The following KIAA1549L variants were observed in gnomAD, a reference collection of about 807,000 sequenced individuals.
KIAA1549L encodes KIAA1549 like, also known as UPF0606 protein KIAA1549L.
Under a neutral mutation model 160.7 loss-of-function variants are expected in KIAA1549L, and 88 were observed. The observed-to-expected ratio is 0.55, with a 90% confidence interval of 0.46 to 0.65. The LOEUF (loss-of-function observed/expected upper bound fraction) is 0.65. KIAA1549L is among the 30% of genes least tolerant of loss of function. KIAA1549L has a pLI of 0.00. For synonymous variants in KIAA1549L, 950 were observed against 976.7 expected (o/e 0.97, Z 0.51); for missense variants, 2,258 against 2,437.5 (o/e 0.93, Z 1.55).
chr11:33,451,064 C>T (rs764541793), intron 1 of KIAA1549L: 24 of 152,186 alleles, frequency 1.6e-4, no homozygotes, highest in Non-Finnish European at 1.9e-4. Flanking sequence ...CTCAGTGTAC[C>T]GACCACCCCT....
At chr11:33,612,597 T>A (rs1171030174) in intron 15 of KIAA1549L, among the ~76,000 whole-genome samples, 1 of 150,476 alleles carries the variant, frequency 6.6e-6, no homozygotes, top group Non-Finnish European at 1.5e-5. Flanking sequence ...TGAGACTGGG[T>A]AGTTTTTTTT....
intron 1 of KIAA1549L, among the ~76,000 whole-genome samples, chr11:33,507,225 C>G (rs777624700): frequency 6.6e-6 from 1 of 152,056 alleles, no homozygotes; most frequent in Non-Finnish European, 1.5e-5. Flanking sequence ...TTGATGGAGT[C>G]TTAATGTCTC....
At chr11:33,390,571 C>T (rs1372262767) in intron 1 of KIAA1549L, among the ~76,000 whole-genome samples, 1 of 152,222 alleles carries the variant, frequency 6.6e-6, no homozygotes, top group East Asian at 1.9e-4. Flanking sequence ...AACTACCTCT[C>T]ATCCATTCAG....
rs753100569 is a variant in KIAA1549L, at chr11:33,537,904, A to G, written c.239-3898A>G. On this transcript the variant is annotated intron_variant, in intron 1 of 20. Coordinates refer to ENST00000658780, the MANE Select transcript of KIAA1549L (RefSeq NM_012194.3). Reference sequence around the variant, plus strand: ...TGTATATTTATCTTTATATATGAGTATGTTTCCCCTAAATCTTTAAATAAA... The same window carrying G: ...TGTATATTTATCTTTATATATGAGTGTGTTTCCCCTAAATCTTTAAATAAA... Among the ~76,000 whole-genome samples, 5 of 152,222 alleles carry G rather than the reference A, an allele frequency of 3.3e-5. No homozygotes were observed. In the East Asian group the frequency reaches 7.7e-4, roughly 23 times the overall value.
At chr11:33,475,915 A>G (rs1852276046) in intron 1 of KIAA1549L, among the ~76,000 whole-genome samples, 1 of 151,520 alleles carries the variant, frequency 6.6e-6, no homozygotes, top group Non-Finnish European at 1.5e-5. Context: ...CCCCCACCCA[A>G]CTCCCCCCAG....
At chr11:33,594,850 A>G (rs1850157362) in intron 12 of KIAA1549L, among the ~76,000 whole-genome samples, 1 of 152,354 alleles carries the variant, frequency 6.6e-6, no homozygotes, top group Admixed American at 6.5e-5. Flanking sequence ...ATTTACCTGA[A>G]TTGACTTGCA....
rs749020204 is a variant in KIAA1549L, at chr11:33,606,825, A to G, written c.5061+3A>G. ...CATCGGCAGTCCTCAACGGCGAGGT[A>G]AGTGCCTGGAGACCCAGGGCAGGAG... On this transcript the variant is annotated splice_donor_region_variant and intron_variant, in intron 14 of 20. Coordinates refer to ENST00000658780, the MANE Select transcript of KIAA1549L (RefSeq NM_012194.3). The G allele has an allele frequency of 1.3e-6, 2 of 1,595,530 alleles. No individual in the cohort carries two copies. Among genetic ancestry groups the G allele is most frequent in the African/African-American group, 2.7e-5 (2 of 74,460 alleles).
intron 17 of KIAA1549L, among the ~76,000 whole-genome samples, chr11:33,654,952 T>C (rs928876110): frequency 6.6e-6 from 1 of 152,226 alleles, no homozygotes; most frequent in African/African-American, 2.4e-5. Context: ...GGATCCCCTG[T>C]GCTGCTGTTT....
In KIAA1549L at chr11:33,464,320, C is replaced by T. The variant is rs77950807; in HGVS notation, c.239-77482C>T. Reference sequence around the variant, plus strand: ...ATTCAATCAATCAGCAAACCCTTGTCCCTTGGTTGCTCTGTGTCAGGTCCT... The same window carrying T: ...ATTCAATCAATCAGCAAACCCTTGTTCCTTGGTTGCTCTGTGTCAGGTCCT... On this transcript the variant is annotated intron_variant, in intron 1 of 20. Coordinates refer to ENST00000658780, the MANE Select transcript of KIAA1549L (RefSeq NM_012194.3). 4.4e-3 allele frequency among the ~76,000 whole-genome samples: 677 copies of T among 152,292 alleles called. 4 individuals carry two copies. Among genetic ancestry groups the T allele is most frequent in the African/African-American group, 0.015 (610 of 41,552 alleles).
intron 14 of KIAA1549L, 71 bp from the exon 15 acceptor site, chr11:33,609,675 ACCT>A: frequency 2.5e-6 from 3 of 1,212,020 alleles, no homozygotes; most frequent in Non-Finnish European, 2.4e-6. Flanking sequence ...AGAAGTGATA[ACCT>A]CCTGGTGAAA....
intron 12 of KIAA1549L, among the ~76,000 whole-genome samples, chr11:33,593,233 C>T (rs78032047): frequency 6.6e-6 from 1 of 152,058 alleles, no homozygotes; most frequent in African/African-American, 2.4e-5. Context: ...AGCTTGAGAC[C>T]AACGTGGGCA....
At chr11:33,618,046 A>G (rs1850865832) in intron 15 of KIAA1549L, among the ~76,000 whole-genome samples, 1 of 152,232 alleles carries the variant, frequency 6.6e-6, no homozygotes, top group Non-Finnish European at 1.5e-5. Context: ...AATAGCAGAA[A>G]AGAAATCTAT....
chr11:33,634,576 C>T (rs746350487), intron 16 of KIAA1549L, among the ~76,000 whole-genome samples: 10 of 152,198 alleles, frequency 6.6e-5, no homozygotes, highest in Non-Finnish European at 1.5e-4. Context: ...CCTTAGAGAG[C>T]AACAAGTTAT....
At chr11:33,646,066 C>G (rs1394476407) in intron 17 of KIAA1549L, 30 bp downstream of exon 17, 3 of 1,496,326 alleles carry the variant, frequency 2.0e-6, no homozygotes, top group Non-Finnish European at 1.8e-6. Context: ...CACCTGCCAT[C>G]ATCTGGTCAG....
intron 1 of KIAA1549L, among the ~76,000 whole-genome samples, chr11:33,426,298 A>G (rs1565131527): frequency 1.3e-5 from 2 of 152,222 alleles, no homozygotes; most frequent in South Asian, 2.1e-4. Context: ...AGTTAAAAAC[A>G]TGATACTGGG....
At chr11:33,595,997 A>G (rs570086148) in intron 12 of KIAA1549L, among the ~76,000 whole-genome samples, 2 of 152,242 alleles carry the variant, frequency 1.3e-5, no homozygotes, top group South Asian at 4.2e-4. Flanking sequence ...TTGGGCCAGG[A>G]TGGAGAATCA....
intron 1 of KIAA1549L, among the ~76,000 whole-genome samples, chr11:33,399,438 A>C (rs1850453281): frequency 1.3e-5 from 2 of 152,208 alleles, no homozygotes; most frequent in Non-Finnish European, 2.9e-5. Flanking sequence ...TGGTATATGC[A>C]GTTTTTATCC....
chr11:33,424,037 A>T (rs925453012), intron 1 of KIAA1549L, among the ~76,000 whole-genome samples: 11 of 152,118 alleles, frequency 7.2e-5, no homozygotes, highest in Non-Finnish European at 1.3e-4. Context: ...TTGGAAAAAA[A>T]AAAAAGAATT....
chr11:33,498,146 T>C (rs1852862501), intron 1 of KIAA1549L, among the ~76,000 whole-genome samples: 1 of 152,036 alleles, frequency 6.6e-6, no homozygotes, highest in African/African-American at 2.4e-5. Context: ...AATAAAAAAA[T>C]TAGCTGGGCG....
Sources: allele counts gnomAD v4.1 joint callset (sites outside exome capture counted in the v4.1 genomes callset), GRCh38; gene constraint gnomAD v4.1.1; transcripts MANE v1.5; gene names NCBI Gene and HGNC (gene_info 2026-07-23, HGNC 2026-07-21).